The following FGF10 variants were observed in gnomAD, a reference collection of about 807,000 sequenced individuals.
The protein encoded by FGF10 is FGF-10.
A neutral mutation model predicts 19.8 loss-of-function variants in FGF10; 2 were observed. The observed-to-expected ratio is 0.10, with a 90% CI of 0.04 to 0.32. FGF10 has a LOEUF of 0.32. FGF10 is among the 10% of genes least tolerant of loss of function. The probability of loss-of-function intolerance (pLI) is 1.00; values close to 1 mark genes in which losing one functional copy is unlikely to be tolerated. For missense variants in FGF10, 191 were observed against 246.3 expected (o/e 0.78, Z 1.50); for synonymous variants, 112 against 94.0 (o/e 1.19, Z -1.10).
At chr5:44,380,329 A>C (rs1035546065) in intron 1 of FGF10, among the ~76,000 whole-genome samples, 1 of 152,246 alleles carries the variant, frequency 6.6e-6, no homozygotes, top group Non-Finnish European at 1.5e-5. Flanking sequence ...CAGATTCTGC[A>C]TATGATAGAC....
At chr5:44,336,902 G>A (rs552857330) in intron 1 of FGF10, among the ~76,000 whole-genome samples, 14 of 152,184 alleles carry the variant, frequency 9.2e-5, no homozygotes, top group African/African-American at 2.9e-4. Flanking sequence ...GACAAAGAGC[G>A]CTTACTAACC....
At chr5:44,325,714 T>A (rs1272052941) in intron 1 of FGF10, among the ~76,000 whole-genome samples, 4 of 122,686 alleles carry the variant, frequency 3.3e-5, no homozygotes, top group Admixed American at 3.1e-4. Flanking sequence ...GAAGGGAACA[T>A]CACACACCAG....
At position 44,348,079 on chromosome 5, in the gene FGF10, G is replaced by A. The variant is rs796872793; in HGVS notation, c.326-37549C>T. ...GGGCAAAAATGTTTGACAATATGTG[G>A]ATGGTTAACAGAAGCTCCTGAGGAT... On this transcript the variant is annotated intron_variant, in intron 1 of 2. Transcript: ENST00000264664. 1.5e-4 allele frequency among the ~76,000 whole-genome samples: 22 copies of A among 151,696 alleles called. 2 individuals are homozygous for A. Among genetic ancestry groups the A allele is most frequent in the African/African-American group, 5.3e-4 (22 of 41,448 alleles).
At chr5:44,323,098 A>G (rs1407255067) in intron 1 of FGF10, among the ~76,000 whole-genome samples, 1 of 152,100 alleles carries the variant, frequency 6.6e-6, no homozygotes, top group African/African-American at 2.4e-5. Context: ...TGGACTACAG[A>G]TCACCCCCTT....
At chr5:44,355,460 CAT>C (rs1360268039) in intron 1 of FGF10, among the ~76,000 whole-genome samples, 2 of 150,854 alleles carry the variant, frequency 1.3e-5, no homozygotes, top group Non-Finnish European at 3.0e-5. Context: ...TCTGAGTATG[CAT>C]ATATATTTCT....
intron 1 of FGF10, among the ~76,000 whole-genome samples, chr5:44,320,351 C>A (rs551637583): frequency 2.9e-4 from 44 of 152,280 alleles, no homozygotes; most frequent in African/African-American, 1.0e-3. Flanking sequence ...ATGCTTCTTT[C>A]CTGCACTGTG....
intron 1 of FGF10, among the ~76,000 whole-genome samples, chr5:44,351,532 G>A (rs1403461727): frequency 6.6e-6 from 1 of 151,504 alleles, no homozygotes; most frequent in Admixed American, 6.6e-5. Flanking sequence ...AAAGTTAAAT[G>A]TTAGATCAAA....
chr5:44,313,588 G>GTT (rs11324688), intron 1 of FGF10, among the ~76,000 whole-genome samples: 3,084 of 146,798 alleles, frequency 0.021, 50 homozygotes, highest in South Asian at 0.051. Flanking sequence ...ATAAAAAAAG[G>GTT]TTTTTTTTTT....
At chr5:44,356,945 T>C (rs1741359795) in intron 1 of FGF10, among the ~76,000 whole-genome samples, 1 of 151,248 alleles carries the variant, frequency 6.6e-6, no homozygotes, top group Non-Finnish European at 1.5e-5. Context: ...CCAGGTGACC[T>C]TACATCCCTT....
chr5:44,337,723 C>A (rs533147071), intron 1 of FGF10, among the ~76,000 whole-genome samples: 43 of 152,190 alleles, frequency 2.8e-4, no homozygotes, highest in African/African-American at 1.0e-3. Context: ...AGGTGGATCA[C>A]GAGGTCAGGA....
intron 1 of FGF10, among the ~76,000 whole-genome samples, chr5:44,376,562 T>C (rs1402338077): frequency 2.4e-4 from 32 of 134,856 alleles, no homozygotes; most frequent in Non-Finnish European, 6.3e-5. Context: ...GCTTCAGGTG[T>C]TCCTTTTGGG....
chr5:44,324,995 AC>A (rs1472973788), intron 1 of FGF10, among the ~76,000 whole-genome samples: 1 of 152,144 alleles, frequency 6.6e-6, no homozygotes, highest in African/African-American at 2.4e-5. Flanking sequence ...TTCAAAGTAA[AC>A]CCTGTTTATT....
intron 1 of FGF10, among the ~76,000 whole-genome samples, chr5:44,382,558 TA>T (rs1742007751): frequency 6.6e-6 from 1 of 152,148 alleles, no homozygotes; most frequent in Non-Finnish European, 1.5e-5. Flanking sequence ...CAGATAAAGG[TA>T]ACATGCACTG....
intron 1 of FGF10, among the ~76,000 whole-genome samples, chr5:44,316,018 G>T (rs926676473): frequency 6.6e-6 from 1 of 152,174 alleles, no homozygotes; most frequent in South Asian, 2.1e-4. Context: ...CGAGAGCGAG[G>T]TTTCAACTGT....
intron 1 of FGF10, among the ~76,000 whole-genome samples, chr5:44,324,865 C>A (rs1740574384): frequency 2.0e-5 from 3 of 152,108 alleles, no homozygotes; most frequent in Admixed American, 2.0e-4. Flanking sequence ...AAGCAACATC[C>A]AACAGTTTCA....
intron 1 of FGF10, among the ~76,000 whole-genome samples, chr5:44,362,885 C>G (rs2111858416): frequency 6.6e-6 from 1 of 151,748 alleles, no homozygotes; most frequent in East Asian, 2.0e-4. Context: ...CCCTGTTATT[C>G]CAGCACTTAC....
chr5:44,322,952 T>C (rs901769723), intron 1 of FGF10, among the ~76,000 whole-genome samples: 1 of 152,156 alleles, frequency 6.6e-6, no homozygotes, highest in African/African-American at 2.4e-5. Flanking sequence ...GGAAACATTG[T>C]CTTCCACAAA....
chr5:44,333,336 A>C (rs189458329), intron 1 of FGF10, among the ~76,000 whole-genome samples: 10 of 152,244 alleles, frequency 6.6e-5, no homozygotes, highest in Middle Eastern at 6.8e-3. Context: ...GTTTAGCAAC[A>C]AAAACCTGTA....
At chr5:44,366,327 A>AT (rs545966321) in intron 1 of FGF10, among the ~76,000 whole-genome samples, 1 of 151,430 alleles carries the variant, frequency 6.6e-6, no homozygotes, top group South Asian at 2.1e-4. Flanking sequence ...GTCAATGAAA[A>AT]TTTTTTTTAA....
Sources: gnomAD v4.1 joint callset for allele counts (sites outside exome capture counted in the v4.1 genomes callset) on GRCh38, gnomAD v4.1.1 for gene constraint, MANE v1.5 for transcripts, NCBI Gene and HGNC (gene_info 2026-07-23, HGNC 2026-07-21) for gene names.